DOCK3: variants seen among roughly 807,000 people sequenced by gnomAD.
DOCK3 encodes the protein dedicator of cytokinesis protein 3.
Under a neutral mutation model 265.6 loss-of-function variants are expected in DOCK3, and 60 were observed. The ratio of observed to expected loss-of-function variants is 0.23; its 90% confidence interval spans 0.18 to 0.28. The LOEUF (loss-of-function observed/expected upper bound fraction) is 0.28. Among genes scored for constraint, DOCK3 ranks in the 10% least tolerant of loss-of-function variants. The pLI is 1.00. For missense variants in DOCK3, 1,981 were observed against 2,594.3 expected (o/e 0.76, Z 5.14); for synonymous variants, 881 against 938.0 (o/e 0.94, Z 1.11).
chr3:50,761,069 CGCACCT>C (rs2040499535), intron 1 of DOCK3, among the ~76,000 whole-genome samples: 1 of 151,416 alleles, frequency 6.6e-6, no homozygotes, highest in Non-Finnish European at 1.5e-5. Context: ...CGTGAGCCAC[CGCACCT>C]GGATGGATTC....
At chr3:51,074,742 G>T (rs551736560) in intron 6 of DOCK3, among the ~76,000 whole-genome samples, 139 of 152,190 alleles carry the variant, frequency 9.1e-4, no homozygotes, top group Non-Finnish European at 1.8e-3. Context: ...TAATTTCTAG[G>T]TGGTGGGTTG....
At chr3:51,186,099 A>T (rs1250503404) in intron 12 of DOCK3, among the ~76,000 whole-genome samples, 5 of 152,202 alleles carry the variant, frequency 3.3e-5, no homozygotes, top group Non-Finnish European at 7.3e-5. Flanking sequence ...AAGACAGGAA[A>T]ATGCGGGAAA....
rs547578295 is a variant in DOCK3, at chr3:50,678,474, A to T, written c.37+3174A>T. 7.2e-5 allele frequency among the ~76,000 whole-genome samples: 11 copies of T among 152,366 alleles called. No homozygotes were observed. The South Asian group carries it at 2.3e-3, about 32-fold the overall frequency. On this transcript the variant is annotated intron_variant, in intron 1 of 52. Transcript: ENST00000266037. ...GCTTTTCTCACCCTCTAACAGGAGC[A>T]ACAGCAGGAGCAGCAAGCACCAACA... is the stretch of plus-strand genomic sequence containing the variant.
chr3:50,918,017 T>C (rs2050220782), intron 4 of DOCK3, among the ~76,000 whole-genome samples: 1 of 152,144 alleles, frequency 6.6e-6, no homozygotes, highest in Non-Finnish European at 1.5e-5. Context: ...GTGTTTGGTT[T>C]TCTGTCCTTA....
chr3:50,985,169 A>G (rs2077852974), intron 5 of DOCK3, among the ~76,000 whole-genome samples: 1 of 152,256 alleles, frequency 6.6e-6, no homozygotes, highest in Non-Finnish European at 1.5e-5. Context: ...AATTTTTACA[A>G]GCAATCACCA....
rs149329766 is a variant in DOCK3, at chr3:51,274,971, C to T, written c.2549-108C>T. The T allele has an allele frequency of 2.6e-3, 3,691 of 1,427,114 alleles. 25 individuals carry two copies. Among genetic ancestry groups the T allele is most frequent in the Middle Eastern group, 0.012 (66 of 5,648 alleles). 88.4% of individuals were successfully genotyped at this position (1,427,114 alleles called of 1,614,324 possible). A position where few individuals can be genotyped will look rare whatever the true frequency, so the allele number is the denominator to read the frequency against. On this transcript the variant is annotated intron_variant, in intron 24 of 52. Transcript: ENST00000266037. ...AGATTACCTTCACTTTTGCTCTAGT[C>T]TGAACCCCACCTGCTTTGAGAATAG...
chr3:50,992,913 A>G lies in DOCK3; in HGVS notation c.315+58836A>G, dbSNP rs530130971. On this transcript the variant is annotated intron_variant, in intron 5 of 52. Coordinates refer to ENST00000266037, the MANE Select transcript of DOCK3 (RefSeq NM_004947.5). ...TTAGCCTATCGATCAAAAAAAGCCC[A>G]GGACCTGATGGATTCACAGCCTAAA... is the stretch of plus-strand genomic sequence containing the variant. Among the ~76,000 whole-genome samples, 11 of 152,330 alleles carry G rather than the reference A, an allele frequency of 7.2e-5. No individual in the cohort carries two copies. The South Asian group carries it at 2.1e-3, about 29-fold the overall frequency.
rs1364514461 is a variant in DOCK3, at chr3:51,118,364, T to G, written c.746+27980T>G. The stretch of plus-strand genomic sequence containing the variant: ...CCATTCTTTTGCATTTGCTGAGGAG[T>G]GCTTTACTTCCAGTTATGTGGTCAA... On this transcript the variant is annotated intron_variant, in intron 9 of 52. Coordinates refer to ENST00000266037, the MANE Select transcript of DOCK3 (RefSeq NM_004947.5). 2.0e-5 allele frequency among the ~76,000 whole-genome samples: 3 copies of G among 152,114 alleles called. No individual in the cohort carries two copies. In the South Asian group the frequency reaches 6.2e-4, roughly 31 times the overall value.
At chr3:51,249,376 G>T (rs1226755484) in intron 22 of DOCK3, among the ~76,000 whole-genome samples, 6 of 143,660 alleles carry the variant, frequency 4.2e-5, no homozygotes, top group Non-Finnish European at 9.3e-5. Context: ...GAGGGAGGTG[G>T]GGGGGTTAGC....
chr3:50,914,554 T>C (rs775453328), intron 4 of DOCK3, among the ~76,000 whole-genome samples: 1 of 152,172 alleles, frequency 6.6e-6, no homozygotes, highest in African/African-American at 2.4e-5. Flanking sequence ...TCAGAAAAGA[T>C]AGTTGATACG....
intron 7 of DOCK3, among the ~76,000 whole-genome samples, chr3:51,081,895 CAAAA>C (rs56305507): frequency 8.5e-6 from 1 of 117,628 alleles, no homozygotes. Flanking sequence ...GACTCTGTCT[CAAAA>C]AAAAAAAAAA....
intron 5 of DOCK3, among the ~76,000 whole-genome samples, chr3:51,054,226 C>G (rs575887484): frequency 6.7e-6 from 1 of 149,422 alleles, no homozygotes; most frequent in African/African-American, 2.5e-5. Context: ...TGATTGATAG[C>G]TTGGCTGGAT....
At chr3:51,369,420 G>A (rs773148118) in intron 49 of DOCK3, among the ~76,000 whole-genome samples, 6 of 152,144 alleles carry the variant, frequency 3.9e-5, no homozygotes, top group African/African-American at 9.7e-5. Context: ...TAGCCGATTC[G>A]ATCAACTGGA....
chr3:51,218,210 G>T (rs866465850), intron 14 of DOCK3, among the ~76,000 whole-genome samples: 2 of 152,094 alleles, frequency 1.3e-5, no homozygotes, highest in Non-Finnish European at 2.9e-5. Flanking sequence ...GAGGCAGGTG[G>T]ATCACCTGAG....
At chr3:50,970,924 TATATATA>T in intron 5 of DOCK3, among the ~76,000 whole-genome samples, 1 of 70,934 alleles carries the variant, frequency 1.4e-5, no homozygotes, top group South Asian at 4.3e-4. Context: ...TATATATATA[TATATATA>T]TATATATATA....
intron 2 of DOCK3, among the ~76,000 whole-genome samples, chr3:50,821,197 C>G (rs1178596077): frequency 6.8e-6 from 1 of 146,272 alleles, no homozygotes; most frequent in Non-Finnish European, 1.5e-5. Context: ...TTAGGTCCCA[C>G]TTGTCAATTG....
chr3:50,707,087 G>C (rs2036456203), intron 1 of DOCK3, among the ~76,000 whole-genome samples: 1 of 152,082 alleles, frequency 6.6e-6, no homozygotes, highest in African/African-American at 2.4e-5. Flanking sequence ...TGCCTGCTCT[G>C]GCTTTGCCTT....
intron 49 of DOCK3, among the ~76,000 whole-genome samples, chr3:51,373,854 TGGCTCTAG>T (rs749858372): frequency 1.1e-4 from 17 of 152,190 alleles, no homozygotes; most frequent in South Asian, 2.1e-4. Flanking sequence ...CCAGCCAGCC[TGGCTCTAG>T]GGCTGCAGTA....
chr3:50,918,944 G>A (rs1005813602), intron 4 of DOCK3, among the ~76,000 whole-genome samples: 24 of 152,274 alleles, frequency 1.6e-4, no homozygotes, highest in Admixed American at 7.2e-4. Context: ...CGTATAAAGT[G>A]TAAGGAAGGG....
Sources: gnomAD v4.1 joint callset for allele counts (sites outside exome capture counted in the v4.1 genomes callset) on GRCh38, gnomAD v4.1.1 for gene constraint, MANE v1.5 for transcripts, NCBI Gene and HGNC (gene_info 2026-07-23, HGNC 2026-07-21) for gene names.